Variants in SGCD observed in about 807,000 individuals in gnomAD.
SGCD encodes the protein sarcoglycan delta.
A neutral mutation model predicts 36.6 loss-of-function variants in SGCD; 18 were observed. That is an observed-to-expected ratio of 0.49 (90% CI 0.34 to 0.73). The LOEUF is 0.73. Ranked by LOEUF, SGCD falls within the 30% of genes least tolerant of loss-of-function variation. SGCD has a pLI of 0.01. For synonymous variants in SGCD, 133 were observed against 130.6 expected, an observed-to-expected ratio of 1.02 and a Z score of -0.12; for missense variants, 387 against 346.7, an observed-to-expected ratio of 1.12 and a Z score of -0.92.
At chr5:155,854,833 T>G in the SGCD span, among the ~76,000 whole-genome samples, 1 of 152,194 alleles carries the variant, frequency 6.6e-6, no homozygotes, top group South Asian at 2.1e-4. Context: ...TACCTGGTAA[T>G]GTACCAAAGC....
intron 3 of SGCD, among the ~76,000 whole-genome samples, chr5:156,162,050 T>C (rs1241452293): frequency 6.7e-6 from 1 of 149,844 alleles, no homozygotes; most frequent in Non-Finnish European, 1.5e-5. Flanking sequence ...TACCCTAGAT[T>C]CTCTAGGAAA....
intron 3 of SGCD, among the ~76,000 whole-genome samples, chr5:156,141,855 T>TA (rs2127610678): frequency 6.6e-6 from 1 of 152,240 alleles, no homozygotes; most frequent in African/African-American, 2.4e-5. Context: ...TGCAAGGAAA[T>TA]AATCTTCAAA....
chr5:156,702,415 T>C (rs1014402658), intron 7 of SGCD, among the ~76,000 whole-genome samples: 1 of 152,102 alleles, frequency 6.6e-6, no homozygotes, highest in Non-Finnish European at 1.5e-5. Context: ...GGGCATCAAG[T>C]TAATGGTACA....
Position 156,549,146 on chromosome 5 carries a change from C to A in SGCD, c.295-40085C>A, listed in dbSNP as rs1018884788. ...GAGAATTATATTCAATATTTTAGGACTATTTAACATTCTATAAACATTTAA... is the reference window on the plus strand; with the variant it reads ...GAGAATTATATTCAATATTTTAGGAATATTTAACATTCTATAAACATTTAA... On this transcript the variant is annotated intron_variant, in intron 4 of 8. Coordinates refer to ENST00000337851, the MANE Select transcript of SGCD (RefSeq NM_000337.6). 1.4e-4 allele frequency among the ~76,000 whole-genome samples: 20 copies of A among 143,834 alleles called. 1 individual carries two copies. Among genetic ancestry groups the A allele is most frequent in the Non-Finnish European group, 1.5e-4 (10 of 67,962 alleles). The allele number at this position is 143,834 out of a possible 152,430, so 94.4% of individuals were successfully genotyped here. A position where few individuals can be genotyped will look rare whatever the true frequency, so the allele number is the denominator to read the frequency against.
chr5:155,993,140 G>T (rs58060178), intron 1 of SGCD, among the ~76,000 whole-genome samples: 6,897 of 152,012 alleles, frequency 0.045, 550 homozygotes, highest in African/African-American at 0.16. Context: ...CCACAATAAA[G>T]GCTCTTGCTC....
At chr5:155,998,239 A>G (rs77648572) in intron 1 of SGCD, among the ~76,000 whole-genome samples, 3,312 of 152,332 alleles carry the variant, frequency 0.022, 131 homozygotes, top group African/African-American at 0.074. Context: ...TAAAATAATA[A>G]TAGGGCTTGG....
intron 7 of SGCD, 88 bp from the exon 8 acceptor site, chr5:156,757,493 C>A: frequency 7.2e-6 from 6 of 831,258 alleles, no homozygotes; most frequent in Non-Finnish European, 1.1e-5. Flanking sequence ...TACTGGAATG[C>A]TTTGTTAATG....
intron 1 of SGCD, among the ~76,000 whole-genome samples, chr5:155,989,766 G>A (rs1414058192): frequency 6.6e-6 from 1 of 152,196 alleles, no homozygotes; most frequent in African/African-American, 2.4e-5. Context: ...GTCTTCAGCA[G>A]GTGATAAGCA....
intron 3 of SGCD, among the ~76,000 whole-genome samples, chr5:156,384,163 A>T (rs1305663013): frequency 2.6e-5 from 4 of 152,232 alleles, no homozygotes; most frequent in Non-Finnish European, 4.4e-5. Context: ...AGGGATGAGG[A>T]CTGGATACTT....
intron 3 of SGCD, among the ~76,000 whole-genome samples, chr5:156,434,026 A>G (rs959118027): frequency 1.3e-5 from 2 of 152,176 alleles, no homozygotes; most frequent in Admixed American, 6.6e-5. Context: ...CTATAAACCA[A>G]TCCCAGTTAC....
chr5:156,012,864 G>A (rs1030356887), intron 1 of SGCD, among the ~76,000 whole-genome samples: 1 of 151,236 alleles, frequency 6.6e-6, no homozygotes, highest in Admixed American at 6.6e-5. Context: ...TGCCTGCCTC[G>A]AAAAGTGCTG....
At chr5:156,216,569 G>A (rs1243360817) in intron 3 of SGCD, among the ~76,000 whole-genome samples, 1 of 152,128 alleles carries the variant, frequency 6.6e-6, no homozygotes, top group African/African-American at 2.4e-5. Flanking sequence ...CTACCCATGA[G>A]TCTCTTGAGT....
chr5:156,113,504 A>G (rs1761839278), intron 1 of SGCD, among the ~76,000 whole-genome samples: 1 of 152,112 alleles, frequency 6.6e-6, no homozygotes, highest in South Asian at 2.1e-4. Context: ...CCTACCTAAG[A>G]TATTTTAGGA....
At chr5:155,748,903 T>A in the SGCD span, among the ~76,000 whole-genome samples, 1 of 152,190 alleles carries the variant, frequency 6.6e-6, no homozygotes, top group African/African-American at 2.4e-5. Context: ...GTCCTCACAA[T>A]GGCAAAAGTC....
intron 1 of SGCD, among the ~76,000 whole-genome samples, chr5:156,002,056 GA>G (rs1422991424): frequency 6.6e-6 from 1 of 152,244 alleles, no homozygotes; most frequent in African/African-American, 2.4e-5. Context: ...TGACGTTACA[GA>G]CTGAATTGTC....
At chr5:156,576,988 T>C (rs186493928) in intron 4 of SGCD, among the ~76,000 whole-genome samples, 3 of 152,342 alleles carry the variant, frequency 2.0e-5, no homozygotes, top group African/African-American at 7.2e-5. Context: ...ATGAAGTCCT[T>C]GCCCATGCCT....
intron 2 of SGCD, among the ~76,000 whole-genome samples, chr5:156,337,738 A>G (rs1157008260): frequency 6.6e-6 from 1 of 152,192 alleles, no homozygotes; most frequent in Non-Finnish European, 1.5e-5. Flanking sequence ...TTAAAATATG[A>G]GCTTGATGAA....
chr5:156,070,872 G>T lies in SGCD; in HGVS notation c.-281-47006G>T, dbSNP rs543710186. On this transcript the variant is annotated intron_variant, in intron 1 of 9. Coordinates refer to the SGCD transcript ENST00000517913. ...GGTTTAGTCTTGGGAGGGTGTATGT[G>T]ATGAGGAATTTATCCATTTCTTCTA... Among the ~76,000 whole-genome samples, 287 of 152,280 alleles carry T rather than the reference G, an allele frequency of 1.9e-3. 1 individual carries two copies. The highest frequency in any genetic ancestry group is 6.7e-3 in the African/African-American group (280 of 41,552).
chr5:156,607,272 T>C (rs1465546315), intron 6 of SGCD, among the ~76,000 whole-genome samples: 1 of 152,242 alleles, frequency 6.6e-6, no homozygotes, highest in East Asian at 1.9e-4. Context: ...TTGAATTTTG[T>C]CAAAGGCTTT....
Sources: allele counts gnomAD v4.1 joint callset (sites outside exome capture counted in the v4.1 genomes callset), GRCh38; gene constraint gnomAD v4.1.1; transcripts MANE v1.5; gene names NCBI Gene and HGNC (gene_info 2026-07-23, HGNC 2026-07-21).